The following ILDR1 variants were observed in gnomAD, a reference collection of about 807,000 sequenced individuals.
ILDR1 encodes immunoglobulin-like domain-containing receptor 1.
Under a neutral mutation model 62.4 loss-of-function variants are expected in ILDR1, and 56 were observed. The observed-to-expected ratio is 0.90, with a 90% CI of 0.72 to 1.12. The LOEUF (loss-of-function observed/expected upper bound fraction) is 1.12, where lower values mean the gene tolerates loss of function less well. Ranked by LOEUF, ILDR1 falls within the 50% of genes most tolerant of loss-of-function variation. ILDR1 has a pLI of 0.00. For missense variants in ILDR1, 736 were observed against 710.6 expected, an observed-to-expected ratio of 1.04 and a Z score of -0.41; for synonymous variants, 284 against 277.8, an observed-to-expected ratio of 1.02 and a Z score of -0.22.
chr3:122,058,135 CT>C, the ILDR1 span, among the ~76,000 whole-genome samples: 8 of 152,162 alleles, frequency 5.3e-5, no homozygotes, highest in Non-Finnish European at 1.2e-4. Flanking sequence ...ATTACTATTA[CT>C]GTTTGGATTA....
rs1261932284 is a variant in ILDR1 at position 122,005,343 on chromosome 3, CG to C, written c.279del (p.Asn93LysfsTer9). 10 of 1,614,152 alleles carry C rather than the reference CG, an allele frequency of 6.2e-6. No homozygotes were observed. The highest frequency in any genetic ancestry group is 8.5e-6 in the Non-Finnish European group (10 of 1,180,020). On this transcript the variant is annotated frameshift_variant, in exon 3 of 8. Coordinates refer to ENST00000344209, the MANE Select transcript of ILDR1 (RefSeq NM_001199799.2). LOFTEE classifies it high-confidence loss of function. ...SLGQDPSNDC[N>X]DNQREVRIVA... ...ACTATGCGAACTTCCCGCTGGTTGT[CG>C]TTGCAGTCATTGGATGGGTCCTGGC... is the stretch of plus-strand genomic sequence containing the variant.
chr3:121,995,618 A>C (rs1417499964), intron 5 of ILDR1, among the ~76,000 whole-genome samples: 2 of 152,176 alleles, frequency 1.3e-5, no homozygotes, highest in Non-Finnish European at 2.9e-5. Context: ...CAGCTCCCCC[A>C]GCAGCTACAC....
the ILDR1 span, among the ~76,000 whole-genome samples, chr3:122,052,954 A>G: frequency 6.6e-5 from 10 of 152,302 alleles, no homozygotes; most frequent in African/African-American, 2.4e-4. Context: ...CCTCCTAACC[A>G]TGTGGCCCTG....
the ILDR1 span, among the ~76,000 whole-genome samples, chr3:122,042,010 C>G: frequency 7.4e-6 from 1 of 135,694 alleles, no homozygotes; most frequent in Non-Finnish European, 1.6e-5. Flanking sequence ...TGGTGCGCTG[C>G]ACCCACTAAC....
rs199537064 is a variant in ILDR1, at chr3:122,005,944, A to G, written c.230-551T>C. Among the ~76,000 whole-genome samples, 28 of 143,154 alleles carry G rather than the reference A, an allele frequency of 2.0e-4. No homozygotes were observed. In the South Asian group the frequency reaches 5.9e-3, roughly 30 times the overall value. 93.9% of individuals were successfully genotyped at this position (143,154 alleles called of 152,430 possible). ...AAACAAAAACAAACAAACAAAAAAAAAACCAAAACAGAAAATATAGGGTCT... is the reference window on the plus strand; with the variant it reads ...AAACAAAAACAAACAAACAAAAAAAGAACCAAAACAGAAAATATAGGGTCT... On this transcript the variant is annotated intron_variant, in intron 2 of 7. Coordinates refer to ENST00000344209, the MANE Select transcript of ILDR1 (RefSeq NM_001199799.2).
At chr3:122,057,552 C>T in the ILDR1 span, among the ~76,000 whole-genome samples, 7 of 152,108 alleles carry the variant, frequency 4.6e-5, no homozygotes. Context: ...GTATTTTCTA[C>T]TGTGTGCTTT....
the ILDR1 span, among the ~76,000 whole-genome samples, chr3:122,031,024 G>A: frequency 1.7e-4 from 26 of 152,128 alleles, no homozygotes; most frequent in Middle Eastern, 3.4e-3. Flanking sequence ...TCTCTTTTTC[G>A]TCGCCTAGAG....
the ILDR1 span, among the ~76,000 whole-genome samples, chr3:122,048,429 C>A: frequency 6.6e-6 from 1 of 152,202 alleles, no homozygotes; most frequent in Admixed American, 6.5e-5. Context: ...CAGGTTAACA[C>A]TGGCCTTGTA....
the ILDR1 span, among the ~76,000 whole-genome samples, chr3:122,042,155 G>C: frequency 1.1e-5 from 1 of 94,436 alleles, no homozygotes; most frequent in Non-Finnish European, 2.1e-5. Flanking sequence ...CTATGAGTGA[G>C]AATATGCGGT....
At chr3:122,044,726 T>C in the ILDR1 span, among the ~76,000 whole-genome samples, 10 of 151,942 alleles carry the variant, frequency 6.6e-5, no homozygotes, top group Admixed American at 5.9e-4. Context: ...TAGTATTCTC[T>C]GATGGTAGTT....
chr3:122,047,584 CCTCCGAG>C, the ILDR1 span, among the ~76,000 whole-genome samples: 38 of 152,228 alleles, frequency 2.5e-4, 1 homozygote, highest in Non-Finnish European at 2.8e-4. Flanking sequence ...GGCGTAGGAC[CCTCCGAG>C]CCAGGTGTGG....
intron 1 of ILDR1, among the ~76,000 whole-genome samples, chr3:122,017,449 C>A (rs1382472593): frequency 6.6e-6 from 1 of 152,228 alleles, no homozygotes; most frequent in East Asian, 1.9e-4. Context: ...GTAGACTGTA[C>A]ACTAATCACC....
At chr3:122,026,624 G>A (rs140649970), upstream of ILDR1, among the ~76,000 whole-genome samples, 343 of 152,260 alleles carry the variant, frequency 2.3e-3, 1 homozygote, top group African/African-American at 7.7e-3. Context: ...GGCTGAATGA[G>A]GTTTGTAGGA....
At chr3:122,041,828 T>C in the ILDR1 span, among the ~76,000 whole-genome samples, 2 of 151,972 alleles carry the variant, frequency 1.3e-5, no homozygotes, top group Admixed American at 6.6e-5. Flanking sequence ...TTTAGAGCTT[T>C]CTATATATAA....
At chr3:122,000,566 G>C (rs139306910) in intron 5 of ILDR1, among the ~76,000 whole-genome samples, 1 of 152,182 alleles carries the variant, frequency 6.6e-6, no homozygotes, top group African/African-American at 2.4e-5. Flanking sequence ...TAATAAGTGG[G>C]TAAACATAAG....
At chr3:122,023,633 CT>C (rs1304326870), upstream of ILDR1, among the ~76,000 whole-genome samples, 1 of 152,176 alleles carries the variant, frequency 6.6e-6, no homozygotes, top group Non-Finnish European at 1.5e-5. Context: ...TCTCTTCTCC[CT>C]GTCTTTCCTT....
intron 1 of ILDR1, among the ~76,000 whole-genome samples, chr3:122,008,144 G>C (rs1523517): frequency 0.63 from 95,600 of 152,118 alleles, 30,794 homozygotes; most frequent in Admixed American, 0.75. Context: ...TACAGGCAGT[G>C]AGCATAAGCA....
chr3:122,046,405 G>A, the ILDR1 span, among the ~76,000 whole-genome samples: 1 of 150,038 alleles, frequency 6.7e-6, no homozygotes, highest in Admixed American at 6.7e-5. Flanking sequence ...TCTTGGAGTT[G>A]TTCTTCTCGA....
At chr3:122,027,921 GA>G in the ILDR1 span, among the ~76,000 whole-genome samples, 1 of 152,194 alleles carries the variant, frequency 6.6e-6, no homozygotes. Flanking sequence ...TCTGAAATTG[GA>G]AGGGACAGTC....
Sources: gnomAD v4.1 joint callset for allele counts (sites outside exome capture counted in the v4.1 genomes callset) on GRCh38, gnomAD v4.1.1 for gene constraint, MANE v1.5 for transcripts, NCBI Gene and HGNC (gene_info 2026-07-23, HGNC 2026-07-21) for gene names.